Variants in TBC1D4 observed in about 807,000 individuals in gnomAD.
The protein encoded by TBC1D4 is TBC (Tre-2, BUB2, CDC16) domain-containing protein.
TBC1D4 carries 121 observed loss-of-function variants against 142.5 expected under a neutral mutation model. That is an observed-to-expected ratio of 0.85 (90% CI 0.73 to 0.99). TBC1D4 has a LOEUF of 0.99. Ranked by LOEUF, TBC1D4 falls within the 50% of genes least tolerant of loss-of-function variation. The pLI, the probability that TBC1D4 is intolerant of heterozygous loss-of-function variation, is 0.00. For missense variants in TBC1D4, 1,475 were observed against 1,606.6 expected, an observed-to-expected ratio of 0.92 and a Z score of 1.40; for synonymous variants, 630 against 628.2, an observed-to-expected ratio of 1.00 and a Z score of -0.04.
chr13:75,418,234 T>C (rs1402793772), intron 1 of TBC1D4, among the ~76,000 whole-genome samples: 6 of 152,222 alleles, frequency 3.9e-5, no homozygotes, highest in East Asian at 1.9e-4. Flanking sequence ...CCCACCGATA[T>C]AGCATTGAGT....
In TBC1D4 at chr13:75,285,520, A is replaced by T. The variant is rs1874584032; in HGVS notation, c.*1272T>A. 6.6e-6 allele frequency: 1 copy of T among 152,608 alleles called. No individual in the cohort carries two copies. The highest frequency in any genetic ancestry group is 2.4e-5 in the African/African-American group (1 of 41,450). 9.5% of individuals were successfully genotyped at this position (152,608 alleles called of 1,614,324 possible). On this transcript the variant is annotated 3_prime_UTR_variant, in exon 21 of 21. Transcript: ENST00000377636. Reference sequence around the variant, plus strand: ...AAAATTACTTTCCTTGCCTATACCCAGCATGCGTGAATGTCATCTAATGAG... The same window carrying T: ...AAAATTACTTTCCTTGCCTATACCCTGCATGCGTGAATGTCATCTAATGAG...
At chr13:75,323,721 C>T (rs538010828) in intron 11 of TBC1D4, among the ~76,000 whole-genome samples, 4 of 152,030 alleles carry the variant, frequency 2.6e-5, no homozygotes, top group East Asian at 3.9e-4. Flanking sequence ...AACCATTATG[C>T]GATTTATATT....
At chr13:75,336,821 GT>G in intron 8 of TBC1D4, 99 bp downstream of exon 8, 1 of 1,337,940 alleles carries the variant, frequency 7.5e-7, no homozygotes, top group Non-Finnish European at 1.0e-6. Flanking sequence ...TTTTTTGTTT[GT>G]TTTTTGTTTT....
intron 1 of TBC1D4, among the ~76,000 whole-genome samples, chr13:75,399,086 A>G (rs952949309): frequency 6.6e-6 from 1 of 152,194 alleles, no homozygotes; most frequent in Non-Finnish European, 1.5e-5. Flanking sequence ...TCACGCCTGT[A>G]ATCCCAGCAC....
chr13:75,323,941 G>C (rs1467915139), intron 11 of TBC1D4, among the ~76,000 whole-genome samples: 2 of 152,078 alleles, frequency 1.3e-5, no homozygotes, highest in African/African-American at 4.8e-5. Context: ...AGCATCAGTT[G>C]TGCTAACAAT....
intron 7 of TBC1D4, among the ~76,000 whole-genome samples, chr13:75,339,367 G>C (rs1430933244): frequency 6.6e-6 from 1 of 151,844 alleles, no homozygotes; most frequent in Non-Finnish European, 1.5e-5. Flanking sequence ...TTTTCTCTTT[G>C]TGGTGCAAAT....
intron 8 of TBC1D4, among the ~76,000 whole-genome samples, chr13:75,329,681 T>C (rs1879583978): frequency 6.6e-6 from 1 of 152,224 alleles, no homozygotes; most frequent in Non-Finnish European, 1.5e-5. Flanking sequence ...CTCCGGGTGC[T>C]TTCTGAGAAA....
At chr13:75,472,990 C>T (rs1390116058) in intron 1 of TBC1D4, among the ~76,000 whole-genome samples, 1 of 152,092 alleles carries the variant, frequency 6.6e-6, no homozygotes, top group Admixed American at 6.6e-5. Flanking sequence ...AAACAATTTA[C>T]TCATTGATAT....
At position 75,481,388 on chromosome 13, in the gene TBC1D4, G is replaced by C. The variant is rs776239804; in HGVS notation, c.380C>G (p.Ser127Trp). The stretch of plus-strand genomic sequence containing the variant: ...GTCGTGGCTGTTGTGGATGAAGCGC[G>C]AGATATGCTGCGCCTTGTGCTCGAA... Reference protein sequence around the residue: ...FIFEHKAQHISRFIHNSHDLT... With the variant: ...FIFEHKAQHIWRFIHNSHDLT... Residue 127 changes from serine to tryptophan, a missense_variant, in exon 1 of 21, where the codon TCG (serine) becomes TGG (tryptophan). By Grantham distance (177) the Ser-to-Trp change is radical. Around this residue, in one of 2 missense-constraint regions of TBC1D4, gnomAD observed 1,227 missense variants for 1,267.7 expected, o/e 0.97. Transcript: ENST00000377636. The C allele has an allele frequency of 9.3e-6, 15 of 1,613,826 alleles. No homozygotes were observed. The South Asian group carries it at 1.4e-4, about 15-fold the overall frequency.
rs1566400548 is a variant in TBC1D4, at chr13:75,341,512, A to T, written c.1484T>A (p.Ile495Asn). 6.2e-7 allele frequency: 1 copy of T among 1,613,984 alleles called. No homozygotes were observed. The highest frequency in any genetic ancestry group is 1.1e-5 in the South Asian group (1 of 91,050). ...SSLTDNEQAD[I>N]FERVQKMKPV... ...TAATGTTACCTGAACTCTTTCAAAG[A>T]TGTCAGCTTGCTCATTATCTGTCAG... The change falls in exon 6 of 21, where the codon ATC becomes AAC. Residue 495 changes from isoleucine (I) to asparagine (N), a missense_variant. Around this residue, in one of 2 missense-constraint regions of TBC1D4, gnomAD observed 1,227 missense variants for 1,267.7 expected, o/e 0.97. Coordinates refer to ENST00000377636, the MANE Select transcript of TBC1D4 (RefSeq NM_014832.5).
intron 3 of TBC1D4, among the ~76,000 whole-genome samples, chr13:75,357,457 C>A (rs7321963): frequency 0.091 from 13,830 of 152,148 alleles, 2,025 homozygotes; most frequent in African/African-American, 0.31. Context: ...CTCTGGCTTT[C>A]TCTCCTATAA....
intron 1 of TBC1D4, among the ~76,000 whole-genome samples, chr13:75,467,241 C>G (rs1888205355): frequency 6.6e-6 from 1 of 152,184 alleles, no homozygotes; most frequent in South Asian, 2.1e-4. Context: ...AATAAGCAAA[C>G]ATGTTGTGAA....
At chr13:75,478,706 G>A (rs144203971) in intron 1 of TBC1D4, among the ~76,000 whole-genome samples, 24 of 152,248 alleles carry the variant, frequency 1.6e-4, no homozygotes, top group African/African-American at 5.8e-4. Flanking sequence ...ATGTCTAGCT[G>A]CAGAATCAAC....
chr13:75,408,561 G>A (rs1312638357), intron 1 of TBC1D4, among the ~76,000 whole-genome samples: 4 of 152,148 alleles, frequency 2.6e-5, no homozygotes, highest in Admixed American at 1.3e-4. Flanking sequence ...AGAGAGTTAC[G>A]TTTTCATTTC....
intron 4 of TBC1D4, among the ~76,000 whole-genome samples, chr13:75,355,853 GA>G (rs1356486994): frequency 6.6e-6 from 1 of 152,120 alleles, no homozygotes; most frequent in Non-Finnish European, 1.5e-5. Context: ...TATGAGCAAT[GA>G]AAAAAGTAAC....
intron 1 of TBC1D4, among the ~76,000 whole-genome samples, chr13:75,390,277 C>A (rs866268931): frequency 7.4e-4 from 83 of 112,264 alleles, no homozygotes; most frequent in Admixed American, 1.5e-3. Flanking sequence ...GAGACTCCGT[C>A]AAAAAAAAAA....
chr13:75,305,545 T>C (rs904920385), intron 15 of TBC1D4, among the ~76,000 whole-genome samples: 92 of 152,326 alleles, frequency 6.0e-4, no homozygotes, highest in African/African-American at 2.1e-3. Context: ...TGCAGCAGCT[T>C]TCAAAATAAC....
At chr13:75,412,155 A>G (rs1417794869) in intron 1 of TBC1D4, among the ~76,000 whole-genome samples, 1 of 152,196 alleles carries the variant, frequency 6.6e-6, no homozygotes, top group African/African-American at 2.4e-5. Flanking sequence ...TACCCTCCCA[A>G]TTCACCCTAA....
intron 1 of TBC1D4, among the ~76,000 whole-genome samples, chr13:75,372,543 T>C (rs1410624767): frequency 6.6e-6 from 1 of 152,242 alleles, no homozygotes. Flanking sequence ...GTGCTGGGAT[T>C]ATAGGCGTGA....
Sources: gnomAD v4.1 joint callset for allele counts (sites outside exome capture counted in the v4.1 genomes callset) on GRCh38, gnomAD v4.1.1 for gene constraint, gnomAD v4.1.1 regional missense constraint, MANE v1.5 for transcripts, NCBI Gene and HGNC (gene_info 2026-07-23, HGNC 2026-07-21) for gene names.